CPED1: variants seen among roughly 807,000 people sequenced by gnomAD.
CPED1 encodes cadherin-like and PC-esterase domain-containing protein 1.
A neutral mutation model predicts 128.2 loss-of-function variants in CPED1; 114 were observed. The ratio of observed to expected loss-of-function variants is 0.89; its 90% CI spans 0.76 to 1.04. The LOEUF (loss-of-function observed/expected upper bound fraction) is 1.04. Among genes scored for constraint, CPED1 ranks in the 50% least tolerant of loss-of-function variants. CPED1 has a pLI of 0.00. For synonymous variants in CPED1, 462 were observed against 426.7 expected, an observed-to-expected ratio of 1.08 and a Z score of -1.02; for missense variants, 1,211 against 1,207.1, an observed-to-expected ratio of 1.00 and a Z score of -0.05.
chr7:121,064,105 A>C (rs1180942932), intron 4 of CPED1, 133 bp from the exon 5 acceptor site: 2 of 571,784 alleles, frequency 3.5e-6, no homozygotes, highest in Non-Finnish European at 6.4e-6. Flanking sequence ...TGACTTGCAG[A>C]GATTTGAAGG....
intron 4 of CPED1, among the ~76,000 whole-genome samples, chr7:121,048,669 G>C (rs564694334): frequency 6.6e-6 from 1 of 152,200 alleles, no homozygotes; most frequent in East Asian, 1.9e-4. Flanking sequence ...CCACCAAGTA[G>C]CTGGGATTAC....
intron 18 of CPED1, among the ~76,000 whole-genome samples, chr7:121,256,945 A>T (rs993685388): frequency 1.3e-5 from 2 of 152,062 alleles, no homozygotes; most frequent in Non-Finnish European, 2.9e-5. Context: ...TGGAGGCCAT[A>T]ATTCTAAGCA....
chr7:121,258,862 A>T (rs1016580957), intron 18 of CPED1, among the ~76,000 whole-genome samples: 1 of 152,096 alleles, frequency 6.6e-6, no homozygotes, highest in African/African-American at 2.4e-5. Flanking sequence ...TAAATAGTTC[A>T]AAATATTGTG....
chr7:121,284,229 A>G (rs1033984413), intron 22 of CPED1, among the ~76,000 whole-genome samples: 1 of 152,204 alleles, frequency 6.6e-6, no homozygotes, highest in African/African-American at 2.4e-5. Context: ...CTCATTCACT[A>G]TCATGAGAAC....
At chr7:121,023,812 T>C (rs760405886) in intron 3 of CPED1, among the ~76,000 whole-genome samples, 5 of 152,138 alleles carry the variant, frequency 3.3e-5, no homozygotes, top group African/African-American at 4.8e-5. Flanking sequence ...AGCACCCTAC[T>C]GCTTTCCTGA....
intron 7 of CPED1, among the ~76,000 whole-genome samples, chr7:121,116,168 A>G (rs1795230584): frequency 6.6e-6 from 1 of 152,254 alleles, no homozygotes; most frequent in African/African-American, 2.4e-5. Context: ...TAGAATCTAC[A>G]TTCTGAATTT....
intron 5 of CPED1, among the ~76,000 whole-genome samples, chr7:121,083,972 A>G (rs56069371): frequency 0.08 from 12,137 of 152,254 alleles, 552 homozygotes; most frequent in Middle Eastern, 0.14. Flanking sequence ...TGTTTTTTCA[A>G]TAAGTATCTC....
At chr7:121,208,693 C>A (rs907055102) in intron 16 of CPED1, among the ~76,000 whole-genome samples, 1 of 151,980 alleles carries the variant, frequency 6.6e-6, no homozygotes, top group Non-Finnish European at 1.5e-5. Flanking sequence ...CTCTTGTCAT[C>A]GTGCCACCCT....
intron 4 of CPED1, among the ~76,000 whole-genome samples, chr7:121,060,661 C>A (rs540307964): frequency 1.3e-5 from 2 of 152,278 alleles, no homozygotes; most frequent in East Asian, 3.9e-4. Context: ...GGATTGTAAA[C>A]GCACCAATCA....
intron 2 of CPED1, among the ~76,000 whole-genome samples, chr7:121,001,940 A>G (rs964925522): frequency 1.3e-5 from 2 of 152,182 alleles, no homozygotes; most frequent in African/African-American, 4.8e-5. Flanking sequence ...AAAGAATGAT[A>G]TCATTAAAAT....
At chr7:121,241,362 A>G in intron 17 of CPED1, among the ~76,000 whole-genome samples, 1 of 44,734 alleles carries the variant, frequency 2.2e-5, no homozygotes, top group African/African-American at 1.2e-4. Flanking sequence ...AAAAAAAAAA[A>G]AAAAAAAAAA....
intron 4 of CPED1, among the ~76,000 whole-genome samples, chr7:121,054,442 A>G (rs1793440722): frequency 6.6e-6 from 1 of 152,196 alleles, no homozygotes; most frequent in African/African-American, 2.4e-5. Flanking sequence ...TACCCCTGTG[A>G]GAAACAAATT....
intron 16 of CPED1, among the ~76,000 whole-genome samples, chr7:121,217,523 G>A (rs1349290155): frequency 6.6e-6 from 1 of 151,904 alleles, no homozygotes; most frequent in Non-Finnish European, 1.5e-5. Flanking sequence ...GGCATCTGTT[G>A]GCCATTTAAT....
intron 4 of CPED1, among the ~76,000 whole-genome samples, chr7:121,055,318 A>C (rs1244471689): frequency 6.6e-6 from 1 of 152,112 alleles, no homozygotes; most frequent in African/African-American, 2.4e-5. Flanking sequence ...ACGTTTCTAT[A>C]AATGTGGCAA....
chr7:121,135,652 A>G (rs960801330), intron 13 of CPED1, among the ~76,000 whole-genome samples: 3 of 152,078 alleles, frequency 2.0e-5, no homozygotes, highest in Admixed American at 2.0e-4. Flanking sequence ...GAGTTTTTAA[A>G]ATAAATATTT....
intron 16 of CPED1, among the ~76,000 whole-genome samples, chr7:121,165,429 C>A (rs1293299794): frequency 1.3e-5 from 2 of 152,096 alleles, no homozygotes; most frequent in Admixed American, 6.5e-5. Context: ...CATTAATGAC[C>A]AAATTCATGT....
rs146964639 is a variant in CPED1 at position 121,200,175 on chromosome 7, T to A, written c.2056-36539T>A. On this transcript the variant is annotated intron_variant, in intron 16 of 22. Coordinates refer to ENST00000310396, the MANE Select transcript of CPED1 (RefSeq NM_024913.5). Reference sequence around the variant, plus strand: ...TCATAACATTATCATATTCATCATTTAATGAATCAATTAGGGCAATGTTTC... The same window carrying A: ...TCATAACATTATCATATTCATCATTAAATGAATCAATTAGGGCAATGTTTC... 3.4e-4 allele frequency among the ~76,000 whole-genome samples: 52 copies of A among 152,272 alleles called. No homozygotes were observed. The East Asian group carries it at 7.0e-3, about 20-fold the overall frequency.
At chr7:121,244,830 A>G (rs1798488224) in intron 18 of CPED1, among the ~76,000 whole-genome samples, 1 of 152,156 alleles carries the variant, frequency 6.6e-6, no homozygotes, top group African/African-American at 2.4e-5. Flanking sequence ...CTTCTTTCAT[A>G]TTCCTGGGCA....
chr7:120,995,876 TC>T (rs1195109183), intron 2 of CPED1, among the ~76,000 whole-genome samples: 60 of 90,324 alleles, frequency 6.6e-4, no homozygotes, highest in African/African-American at 1.1e-3. Flanking sequence ...TTCTTCCTCT[TC>T]TTCTTCTTCT....
Sources: allele counts gnomAD v4.1 joint callset (sites outside exome capture counted in the v4.1 genomes callset), GRCh38; gene constraint gnomAD v4.1.1; transcripts MANE v1.5; gene names NCBI Gene and HGNC (gene_info 2026-07-23, HGNC 2026-07-21).